MAN1A1: variants seen among roughly 807,000 people sequenced by gnomAD.
MAN1A1 encodes mannosidase alpha class 1A member 1.
A neutral mutation model predicts 70.8 loss-of-function variants in MAN1A1; 29 were observed. The ratio of observed to expected loss-of-function variants is 0.41; its 90% CI spans 0.31 to 0.56. MAN1A1 has a LOEUF of 0.56. Among genes scored for constraint, MAN1A1 ranks in the 20% least tolerant of loss-of-function variants. The pLI is 0.29. For synonymous variants in MAN1A1, 349 were observed against 330.1 expected (o/e 1.06, Z -0.62); for missense variants, 747 against 841.3 (o/e 0.89, Z 1.39).
intron 2 of MAN1A1, among the ~76,000 whole-genome samples, chr6:119,309,790 C>G (rs1305729666): frequency 6.6e-6 from 1 of 152,078 alleles, no homozygotes; most frequent in Non-Finnish European, 1.5e-5. Flanking sequence ...TTATTTTAAC[C>G]CAGAAAATAT....
intron 6 of MAN1A1, among the ~76,000 whole-genome samples, chr6:119,240,990 C>T (rs1774988113): frequency 6.6e-6 from 1 of 152,128 alleles, no homozygotes; most frequent in African/African-American, 2.4e-5. Context: ...GCCAGGTTAC[C>T]AGCTGTTTAT....
intron 11 of MAN1A1, among the ~76,000 whole-genome samples, chr6:119,186,647 CT>C (rs1247501136): frequency 6.6e-6 from 1 of 152,190 alleles, no homozygotes; most frequent in Non-Finnish European, 1.5e-5. Context: ...GGGAAAAGCT[CT>C]TCCACCTTCT....
intron 11 of MAN1A1, among the ~76,000 whole-genome samples, chr6:119,184,211 A>T: frequency 6.6e-6 from 1 of 152,126 alleles, no homozygotes. Context: ...TCATTGTACT[A>T]TAATCTGTTC....
intron 5 of MAN1A1, among the ~76,000 whole-genome samples, chr6:119,262,767 C>T (rs1368368277): frequency 1.3e-5 from 2 of 152,080 alleles, no homozygotes; most frequent in African/African-American, 4.8e-5. Context: ...AAAGGTGGTA[C>T]ATAAACCATG....
intron 8 of MAN1A1, among the ~76,000 whole-genome samples, chr6:119,194,794 TATC>T (rs5879485): frequency 0.71 from 107,511 of 151,444 alleles, 40,448 homozygotes; most frequent in Non-Finnish European, 0.83. Flanking sequence ...CTACACGTAT[TATC>T]AACAATCTCA....
intron 3 of MAN1A1, among the ~76,000 whole-genome samples, chr6:119,306,585 G>C (rs1772530833): frequency 6.6e-6 from 1 of 152,154 alleles, no homozygotes; most frequent in Non-Finnish European, 1.5e-5. Flanking sequence ...TCTATGCTAG[G>C]AATCACCCCA....
chr6:119,223,248 T>C (rs1295758845), intron 6 of MAN1A1, among the ~76,000 whole-genome samples: 2 of 152,170 alleles, frequency 1.3e-5, no homozygotes, highest in Admixed American at 1.3e-4. Context: ...CTATTTTGGT[T>C]ATATAACCAT....
At chr6:119,305,599 C>A (rs528625693) in intron 3 of MAN1A1, among the ~76,000 whole-genome samples, 1 of 152,258 alleles carries the variant, frequency 6.6e-6, no homozygotes, top group Non-Finnish European at 1.5e-5. Context: ...CCAACAGTCT[C>A]TTTTCTTCTA....
At chr6:119,300,578 A>C (rs1582783873) in intron 4 of MAN1A1, among the ~76,000 whole-genome samples, 1 of 152,110 alleles carries the variant, frequency 6.6e-6, no homozygotes, top group Non-Finnish European at 1.5e-5. Flanking sequence ...TAAGAAAGCA[A>C]GCCTCCAAAA....
intron 7 of MAN1A1, among the ~76,000 whole-genome samples, chr6:119,202,103 T>C (rs1773729166): frequency 6.6e-6 from 1 of 152,212 alleles, no homozygotes; most frequent in Non-Finnish European, 1.5e-5. Context: ...GTTAGTTTAC[T>C]GTAATTTTAC....
chr6:119,315,026 C>T lies in MAN1A1; in HGVS notation c.604-8034G>A, dbSNP rs73767442. On this transcript the variant is annotated intron_variant, in intron 2 of 12. Transcript: ENST00000368468. ...TGATATTTTCTGAAGTTTACTACCA[C>T]CACGGGAGCTAATGTGGACCAGCTT... 2.2e-3 allele frequency among the ~76,000 whole-genome samples: 340 copies of T among 152,302 alleles called. 2 individuals carry two copies. Among genetic ancestry groups the T allele is most frequent in the African/African-American group, 8.1e-3 (336 of 41,562 alleles).
intron 5 of MAN1A1, chr6:119,269,645 T>C (rs73769010): frequency 0.041 from 6,566 of 159,778 alleles, 144 homozygotes; most frequent in African/African-American, 0.054. Context: ...AGTACCTGCC[T>C]ATCCAGGACG....
chr6:119,247,046 T>C (rs1775186417), intron 6 of MAN1A1, among the ~76,000 whole-genome samples: 1 of 152,112 alleles, frequency 6.6e-6, no homozygotes, highest in South Asian at 2.1e-4. Context: ...ATATATAATA[T>C]ACAAATGAAA....
At position 119,301,992 on chromosome 6, in the gene MAN1A1, T is replaced by C. The variant is rs1236849812; in HGVS notation, c.812A>G (p.Asn271Ser). The change falls in exon 4 of 13, where the codon AAT becomes AGT. Residue 271 changes from asparagine to serine, a missense_variant. Around this residue, in one of 2 missense-constraint regions of MAN1A1, gnomAD observed 419 missense variants for 548.2 expected, o/e 0.76. Transcript: ENST00000368468. Reference protein sequence around the residue: ...KSWVEENLDFNVNAEISVFEV... With the variant: ...KSWVEENLDFSVNAEISVFEV... ...AGAAATTCTTATTTAACTTACCACA[T>C]TAAAATCTAAATTTTCTTCAACCCA... 2.0e-6 allele frequency: 3 copies of C among 1,518,638 alleles called. No individual in the cohort carries two copies. The highest frequency in any genetic ancestry group is 2.7e-6 in the Non-Finnish European group (3 of 1,096,456). 94.1% of individuals were successfully genotyped at this position (1,518,638 alleles called of 1,614,324 possible).
At chr6:119,184,817 C>T (rs574163489) in intron 11 of MAN1A1, among the ~76,000 whole-genome samples, 5 of 152,058 alleles carry the variant, frequency 3.3e-5, no homozygotes, top group African/African-American at 9.7e-5. Context: ...TATATACATA[C>T]AATATTCTGA....
chr6:119,282,382 A>T (rs1776246282), intron 5 of MAN1A1, among the ~76,000 whole-genome samples: 1 of 152,150 alleles, frequency 6.6e-6, no homozygotes, highest in Non-Finnish European at 1.5e-5. Flanking sequence ...TCTGTAATTC[A>T]CTCTAGGACA....
At chr6:119,260,241 G>A (rs1172128623) in intron 5 of MAN1A1, among the ~76,000 whole-genome samples, 1 of 152,110 alleles carries the variant, frequency 6.6e-6, no homozygotes, top group African/African-American at 2.4e-5. Flanking sequence ...AGCCAATTTG[G>A]CCAAAGGGCT....
chr6:119,220,971 G>A (rs1312448314), intron 6 of MAN1A1, among the ~76,000 whole-genome samples: 2 of 151,870 alleles, frequency 1.3e-5, no homozygotes, highest in Non-Finnish European at 2.9e-5. Context: ...GTGAAAACAT[G>A]TTATAAAAAG....
intron 6 of MAN1A1, among the ~76,000 whole-genome samples, chr6:119,227,864 G>T (rs1774562067): frequency 6.6e-6 from 1 of 151,894 alleles, no homozygotes; most frequent in South Asian, 2.1e-4. Context: ...TCTATAATCA[G>T]AAAAAAGAAA....
Sources: allele counts gnomAD v4.1 joint callset (sites outside exome capture counted in the v4.1 genomes callset), GRCh38; gene constraint gnomAD v4.1.1; regional missense constraint gnomAD v4.1.1; transcripts MANE v1.5; gene names NCBI Gene and HGNC (gene_info 2026-07-23, HGNC 2026-07-21).